The following RBM33 variants were observed in gnomAD, a reference collection of about 807,000 sequenced individuals.
The protein encoded by RBM33 is RNA-binding protein 33.
Under a neutral mutation model 132.6 loss-of-function variants are expected in RBM33, and 28 were observed. That is an observed-to-expected ratio of 0.21 (90% CI 0.16 to 0.29). RBM33 has a LOEUF of 0.29. RBM33 is among the 10% of genes least tolerant of loss of function. The probability of loss-of-function intolerance (pLI) is 1.00; values close to 1 mark genes in which losing one functional copy is unlikely to be tolerated. For missense variants in RBM33, 1,291 were observed against 1,518.5 expected, an observed-to-expected ratio of 0.85 and a Z score of 2.49; for synonymous variants, 634 against 593.0, an observed-to-expected ratio of 1.07 and a Z score of -1.01.
chr7:155,669,441 C>T lies in RBM33; in HGVS notation c.123-3426C>T, dbSNP rs146286216. On this transcript the variant is annotated intron_variant, in intron 2 of 17. Transcript: ENST00000401878. ...GATATCAGCTCACTGCAACCTCTAC[C>T]TCCCAGGTTCAAGCGATTCTCATGC... Among the ~76,000 whole-genome samples the T allele has an allele frequency of 1.0e-3, 152 of 152,334 alleles. 1 individual carries two copies. Among genetic ancestry groups the T allele is most frequent in the Middle Eastern group, 6.8e-3 (2 of 294 alleles).
intron 16 of RBM33, among the ~76,000 whole-genome samples, chr7:155,770,152 C>T (rs988158079): frequency 1.3e-5 from 2 of 152,212 alleles, no homozygotes; most frequent in African/African-American, 4.8e-5. Context: ...CGTTGAAATT[C>T]AGGGGAAGTG....
chr7:155,667,400 G>C (rs1790870814), intron 2 of RBM33, among the ~76,000 whole-genome samples: 1 of 152,032 alleles, frequency 6.6e-6, no homozygotes, highest in South Asian at 2.1e-4. Flanking sequence ...GTGAGCTAGT[G>C]TGCCGTGCCC....
intron 14 of RBM33, among the ~76,000 whole-genome samples, chr7:155,759,523 T>C (rs1001580554): frequency 1.3e-5 from 2 of 150,124 alleles, no homozygotes; most frequent in African/African-American, 4.9e-5. Context: ...GTTCACGCCA[T>C]TCTCCTGCCT....
In RBM33 at chr7:155,674,444, T is replaced by A. The variant is rs143428115; in HGVS notation, c.171+1529T>A. ...GTATTTAAGATGCTTTAATGGAGAATAAGTTAGATATTAAAAGGTTTAAAT... is the reference window on the plus strand; with the variant it reads ...GTATTTAAGATGCTTTAATGGAGAAAAAGTTAGATATTAAAAGGTTTAAAT... On this transcript the variant is annotated intron_variant, in intron 3 of 17. Transcript: ENST00000401878. 2.0e-4 allele frequency among the ~76,000 whole-genome samples: 30 copies of A among 152,292 alleles called. No homozygotes were observed. The East Asian group carries it at 5.8e-3, about 29-fold the overall frequency.
intron 16 of RBM33, among the ~76,000 whole-genome samples, chr7:155,769,386 G>A (rs1026122629): frequency 7.9e-5 from 12 of 152,220 alleles, no homozygotes; most frequent in Admixed American, 6.5e-4. Context: ...GGGCCCTAGT[G>A]ACCGACTTCT....
chr7:155,649,660 G>GT (rs772475985), intron 1 of RBM33, among the ~76,000 whole-genome samples: 4 of 152,074 alleles, frequency 2.6e-5, no homozygotes, highest in African/African-American at 7.2e-5. Context: ...CAGTTGTCTG[G>GT]TTTTTTAATG....
chr7:155,705,451 C>G (rs1282554033), intron 6 of RBM33, among the ~76,000 whole-genome samples: 1 of 152,084 alleles, frequency 6.6e-6, no homozygotes, highest in Non-Finnish European at 1.5e-5. Flanking sequence ...AATTTTCTTT[C>G]AAATGGGGTC....
chr7:155,701,718 C>T (rs1225117811), intron 6 of RBM33, among the ~76,000 whole-genome samples: 10 of 152,232 alleles, frequency 6.6e-5, no homozygotes, highest in South Asian at 2.1e-4. Flanking sequence ...GACAGAGTCT[C>T]GCTTTGTTGC....
At chr7:155,718,585 A>G (rs1341847381) in intron 9 of RBM33, 142 bp downstream of exon 9, 2 of 686,438 alleles carry the variant, frequency 2.9e-6, no homozygotes, top group African/African-American at 1.8e-5. Context: ...GCAATAGAAA[A>G]TGTTTGTTAA....
chr7:155,709,065 C>A (rs1334309121), intron 7 of RBM33, among the ~76,000 whole-genome samples: 1 of 151,964 alleles, frequency 6.6e-6, no homozygotes. Context: ...TCTTGAGCAG[C>A]TCTTTTTTGG....
chr7:155,769,373 G>C (rs1441130439), intron 16 of RBM33, among the ~76,000 whole-genome samples: 1 of 152,202 alleles, frequency 6.6e-6, no homozygotes, highest in Admixed American at 6.5e-5. Flanking sequence ...AGCCTCCCTG[G>C]CTGGGCCCTA....
rs1039750505 is a variant in RBM33 at position 155,775,999 on chromosome 7, C to G, written c.*958C>G. The G allele has an allele frequency of 2.0e-5, 3 of 152,232 alleles. No individual in the cohort carries two copies. Among genetic ancestry groups the G allele is most frequent in the Admixed American group, 6.5e-5 (1 of 15,282 alleles). The allele number at this position is 152,232 out of a possible 1,614,324, so 9.4% of individuals were successfully genotyped here. On this transcript the variant is annotated 3_prime_UTR_variant, in exon 18 of 18. Coordinates refer to ENST00000401878, the MANE Select transcript of RBM33 (RefSeq NM_053043.3). ...GCTGTTCCAGCAGGGCTGCCCTGTTCATCAGCGGATGTTCACTCTGGCCTG... is the reference window on the plus strand; with the variant it reads ...GCTGTTCCAGCAGGGCTGCCCTGTTGATCAGCGGATGTTCACTCTGGCCTG...
intron 1 of RBM33, among the ~76,000 whole-genome samples, chr7:155,649,838 G>A (rs1205211351): frequency 4.6e-5 from 7 of 152,176 alleles, no homozygotes; most frequent in South Asian, 2.1e-4. Context: ...CTGTGCTTAC[G>A]TTACTTCATT....
At chr7:155,720,596 A>G (rs1800594023) in intron 9 of RBM33, among the ~76,000 whole-genome samples, 1 of 152,332 alleles carries the variant, frequency 6.6e-6, no homozygotes, top group South Asian at 2.1e-4. Context: ...CTTTATGTCA[A>G]GTGCTCTGCA....
At chr7:155,722,657 TA>T (rs1800662242) in intron 9 of RBM33, among the ~76,000 whole-genome samples, 1 of 152,220 alleles carries the variant, frequency 6.6e-6, no homozygotes, top group African/African-American at 2.4e-5. Context: ...TTAAAAAAAG[TA>T]ACATAAAATG....
intron 5 of RBM33, among the ~76,000 whole-genome samples, chr7:155,690,068 G>A (rs1440497983): frequency 2.0e-5 from 3 of 152,030 alleles, no homozygotes; most frequent in Admixed American, 6.6e-5. Flanking sequence ...TTGACAGTGG[G>A]GTGTTAAAGT....
chr7:155,667,136 G>A (rs1237981328), intron 2 of RBM33, among the ~76,000 whole-genome samples: 1 of 152,226 alleles, frequency 6.6e-6, no homozygotes, highest in Non-Finnish European at 1.5e-5. Flanking sequence ...TGCCACTTCC[G>A]AATGCTTCAG....
chr7:155,704,727 A>G (rs953852233), intron 6 of RBM33, among the ~76,000 whole-genome samples: 1 of 152,224 alleles, frequency 6.6e-6, no homozygotes. Context: ...TTTCATTGGC[A>G]CGTGTTACAT....
chr7:155,750,979 G>T (rs1203803697), intron 14 of RBM33, among the ~76,000 whole-genome samples: 2 of 152,118 alleles, frequency 1.3e-5, no homozygotes, highest in Non-Finnish European at 2.9e-5. Context: ...TCAAAATGCT[G>T]CATGCCGAAG....
Sources: gnomAD v4.1 joint callset for allele counts (sites outside exome capture counted in the v4.1 genomes callset) on GRCh38, gnomAD v4.1.1 for gene constraint, MANE v1.5 for transcripts, NCBI Gene and HGNC (gene_info 2026-07-23, HGNC 2026-07-21) for gene names.